Variants in TECTA observed in about 807,000 individuals in gnomAD.
The protein encoded by TECTA is alpha-tectorin.
TECTA carries 128 observed loss-of-function variants against 216.8 expected under a neutral mutation model. The observed-to-expected ratio is 0.59, with a 90% CI of 0.51 to 0.68. The LOEUF (loss-of-function observed/expected upper bound fraction) is 0.68. TECTA is among the 30% of genes least tolerant of loss of function. TECTA has a pLI of 0.00. For missense variants in TECTA, 2,551 were observed against 2,786.2 expected (o/e 0.92, Z 1.90); for synonymous variants, 1,089 against 1,117.1 (o/e 0.97, Z 0.50).
chr11:121,102,531 A>G (rs1482196857), intron 1 of TECTA, 134 bp from the exon 2 acceptor site: 6 of 730,662 alleles, frequency 8.2e-6, no homozygotes, highest in African/African-American at 5.2e-5. Context: ...CCGACTCAGC[A>G]CTGTTGATGT....
chr11:121,153,153 A>T, intron 13 of TECTA, 73 bp downstream of exon 13: 1 of 1,533,318 alleles, frequency 6.5e-7, no homozygotes, highest in Non-Finnish European at 8.8e-7. Context: ...GAGGTTGGTC[A>T]GATTGACCAA....
chr11:121,189,701 C>A, intron 22 of TECTA, 63 bp from the exon 23 acceptor site: 8 of 1,493,652 alleles, frequency 5.4e-6, no homozygotes, highest in South Asian at 1.1e-5. Context: ...AAAGCCCTTC[C>A]CTTCAATACC....
chr11:121,120,608 C>T (rs1464492551), intron 7 of TECTA, among the ~76,000 whole-genome samples: 1 of 152,176 alleles, frequency 6.6e-6, no homozygotes, highest in Non-Finnish European at 1.5e-5. Context: ...AGCACTGTCT[C>T]CATATGCTGG....
In TECTA at chr11:121,160,446, C is replaced by T; in HGVS notation, c.4976+25C>T. 3 of 1,604,436 alleles carry T rather than the reference C, an allele frequency of 1.9e-6. No individual in the cohort carries two copies. The South Asian group carries it at 3.3e-5, about 18-fold the overall frequency. ...GGTGAGGGTGTAGGAGTTCAAGCCA[C>T]TAGACTTGGTGGCCCAAGTTCTCTC... On this transcript the variant is annotated intron_variant, in intron 15 of 23. Coordinates refer to ENST00000392793, the MANE Select transcript of TECTA (RefSeq NM_005422.4).
intron 11 of TECTA, among the ~76,000 whole-genome samples, chr11:121,139,718 T>TTC (rs1946765846): frequency 6.6e-6 from 1 of 151,692 alleles, no homozygotes; most frequent in African/African-American, 2.4e-5. Flanking sequence ...AATGAAATGA[T>TTC]ACAAATAACC....
At chr11:121,118,804 T>C in intron 7 of TECTA, 86 bp downstream of exon 7, 2 of 1,539,250 alleles carry the variant, frequency 1.3e-6, no homozygotes, top group South Asian at 1.1e-5. Context: ...CTACTGGTTC[T>C]GCTGTTTGTC....
At chr11:121,144,818 A>G (rs1050173393) in intron 11 of TECTA, among the ~76,000 whole-genome samples, 6 of 152,218 alleles carry the variant, frequency 3.9e-5, no homozygotes, top group Non-Finnish European at 7.3e-5. Flanking sequence ...CCTGCCCTCA[A>G]GTTGCCCATA....
chr11:121,189,011 G>A (rs779081525), intron 21 of TECTA, 69 bp from the exon 22 acceptor site: 71 of 1,535,750 alleles, frequency 4.6e-5, no homozygotes, highest in African/African-American at 1.1e-4. Context: ...TTTTAGAGGT[G>A]AAACATGGTG....
intron 4 of TECTA, chr11:121,110,548 G>GCA (rs1946432831): frequency 6.6e-6 from 1 of 152,196 alleles, no homozygotes; most frequent in South Asian, 2.1e-4. Context: ...AAAGACACAA[G>GCA]TTTAAACAGC....
At position 121,152,964 on chromosome 11, in the gene TECTA, G is replaced by C; in HGVS notation, c.4189G>C (p.Asp1397His). Residue 1397 changes from aspartate (D) to histidine (H), a missense_variant, in exon 13 of 24, where the codon GAC (aspartate) becomes CAC (histidine). Physicochemically the swap from Asp to His is moderately conservative, Grantham distance 81 (BLOSUM62 -1). Coordinates refer to ENST00000392793, the MANE Select transcript of TECTA (RefSeq NM_005422.4). ...PRCAAIRLKS[D>H]CSHYCVEGCH... ...CTGCGCCGCCATCCGCCTGAAGAGT[G>C]ACTGCAGCCACTACTGCGTGGAGGG... 1 of 1,613,934 alleles carries C rather than the reference G, an allele frequency of 6.2e-7. No homozygotes were observed. The highest frequency in any genetic ancestry group is 8.5e-7 in the Non-Finnish European group (1 of 1,179,938).
rs143672822 is a variant in TECTA at position 121,157,450 on chromosome 11, G to A, written c.4306-391G>A. ...TCTACAAAAAATACAAAAATTAGCT[G>A]GGTGTGGTGGCGTGTGCTTATAGTT... On this transcript the variant is annotated intron_variant, in intron 13 of 23. Transcript: ENST00000392793. Among the ~76,000 whole-genome samples, 17 of 152,188 alleles carry A rather than the reference G, an allele frequency of 1.1e-4. No individual in the cohort carries two copies. In the East Asian group the frequency reaches 3.3e-3, roughly 29 times the overall value.
rs372860835 is a variant in TECTA at position 121,118,647 on chromosome 11, G to A, written c.1132G>A (p.Val378Met). 1.7e-4 allele frequency: 280 copies of A among 1,613,942 alleles called. No homozygotes were observed. Among genetic ancestry groups the A allele is most frequent in the Non-Finnish European group, 2.3e-4 (272 of 1,179,994 alleles). ...EHRRGSAVSW[V>M]KELSVEVNGY... ...CCGCAGAGGTTCAGCCGTCTCCTGG[G>A]TGAAGGAGCTCTCAGTGGAGGTGAA... The change falls in exon 7 of 24, where the codon GTG (valine) becomes ATG (methionine). Residue 378 changes from valine (V) to methionine (M), a missense_variant. This residue lies in a region of TECTA where 2,375 missense variants were observed against 2,563.9 expected (regional missense o/e 0.93). Transcript: ENST00000392793.
At chr11:121,155,862 A>G (rs1946935566) in intron 13 of TECTA, among the ~76,000 whole-genome samples, 1 of 152,172 alleles carries the variant, frequency 6.6e-6, no homozygotes, top group Admixed American at 6.5e-5. Flanking sequence ...TGCAAACCCT[A>G]CCAAGCAGAG....
chr11:121,142,665 G>A (rs770246377), intron 11 of TECTA, among the ~76,000 whole-genome samples: 2 of 152,172 alleles, frequency 1.3e-5, no homozygotes, highest in South Asian at 4.2e-4. Context: ...TACTTTATTC[G>A]CTGTGAGCTT....
intron 16 of TECTA, among the ~76,000 whole-genome samples, chr11:121,163,578 ACCC>A (rs1947022121): frequency 3.3e-5 from 5 of 152,204 alleles, no homozygotes; most frequent in African/African-American, 1.2e-4. Context: ...GTGCACATGT[ACCC>A]TAAAACTTAA....
intron 15 of TECTA, among the ~76,000 whole-genome samples, chr11:121,161,612 T>C (rs1480381469): frequency 1.0e-4 from 3 of 29,926 alleles, no homozygotes; most frequent in Non-Finnish European, 1.2e-4. Flanking sequence ...GACACCAACT[T>C]TCTTGTAATG....
At chr11:121,168,493 A>C (rs1245238766) in intron 19 of TECTA, 184 bp from the exon 20 acceptor site, 5 of 967,158 alleles carry the variant, frequency 5.2e-6, no homozygotes, top group Middle Eastern at 3.3e-4. Flanking sequence ...AATTTTATTT[A>C]ATTTCATTTC....
At chr11:121,175,356 T>G (rs987418696) in intron 20 of TECTA, among the ~76,000 whole-genome samples, 11 of 152,176 alleles carry the variant, frequency 7.2e-5, no homozygotes, top group African/African-American at 2.7e-4. Context: ...CTCTACACAC[T>G]GCTTTGAGTG....
chr11:121,111,349 G>A (rs1946440007), intron 4 of TECTA, among the ~76,000 whole-genome samples: 1 of 152,224 alleles, frequency 6.6e-6, no homozygotes, highest in African/African-American at 2.4e-5. Flanking sequence ...TCAAACCAAA[G>A]TCTTCCAACT....
Sources: allele counts gnomAD v4.1 joint callset (sites outside exome capture counted in the v4.1 genomes callset), GRCh38; gene constraint gnomAD v4.1.1; regional missense constraint gnomAD v4.1.1; transcripts MANE v1.5; gene names NCBI Gene and HGNC (gene_info 2026-07-23, HGNC 2026-07-21).